Variants in SLC22A23 observed in about 807,000 individuals in gnomAD.
The protein encoded by SLC22A23 is solute carrier family 22 member 23.
A neutral mutation model predicts 61.0 loss-of-function variants in SLC22A23; 26 were observed. That is an observed-to-expected ratio of 0.43 (90% confidence interval 0.31 to 0.59). The LOEUF is 0.59. Among genes scored for constraint, SLC22A23 ranks in the 20% least tolerant of loss-of-function variants. The pLI is 0.11. For missense variants in SLC22A23, 796 were observed against 934.7 expected, an observed-to-expected ratio of 0.85 and a Z score of 1.94; for synonymous variants, 430 against 413.9, an observed-to-expected ratio of 1.04 and a Z score of -0.47.
chr6:3,312,259 G>A (rs149924820), intron 4 of SLC22A23: 12 of 152,288 alleles, frequency 7.9e-5, no homozygotes, highest in African/African-American at 2.9e-4. Context: ...AACCTTCCAT[G>A]TGGCTGGGTT....
chr6:3,278,051 T>C (rs1302204336), intron 9 of SLC22A23, among the ~76,000 whole-genome samples: 1 of 152,176 alleles, frequency 6.6e-6, no homozygotes, highest in African/African-American at 2.4e-5. Flanking sequence ...CCCTACCCAC[T>C]GATGGTAGCC....
rs1234954013 is a variant in SLC22A23, at chr6:3,318,161, G to A, written c.1082+5673C>T. Among the ~76,000 whole-genome samples, 8 of 152,118 alleles carry A rather than the reference G, an allele frequency of 5.3e-5. No homozygotes were observed. The East Asian group carries it at 9.6e-4, about 18-fold the overall frequency. On this transcript the variant is annotated intron_variant, in intron 4 of 9. Coordinates refer to ENST00000406686, the MANE Select transcript of SLC22A23 (RefSeq NM_015482.2). This position sits in a 1 kb window ranked among gnomAD's most constrained non-coding sequence, Gnocchi z 4.3. ...TCATTCCAGAACTCTGCAACCCTGC[G>A]GCTGCTGCCTATTAACCAAGCCTTT...
At chr6:3,382,374 C>G (rs1229092300) in intron 3 of SLC22A23, among the ~76,000 whole-genome samples, 1 of 152,214 alleles carries the variant, frequency 6.6e-6, no homozygotes, top group Non-Finnish European at 1.5e-5. Context: ...ACATACTGAC[C>G]CTTAAGATGC....
At chr6:3,354,156 T>A (rs576473705) in intron 3 of SLC22A23, among the ~76,000 whole-genome samples, 7 of 152,204 alleles carry the variant, frequency 4.6e-5, no homozygotes, top group Non-Finnish European at 8.8e-5. Context: ...AAGAGCCACA[T>A]GCAACTTCTA....
intron 1 of SLC22A23, among the ~76,000 whole-genome samples, chr6:3,417,030 T>C (rs1177145750): frequency 1.3e-5 from 2 of 152,130 alleles, no homozygotes; most frequent in Non-Finnish European, 2.9e-5. Flanking sequence ...TAGAGGGCAC[T>C]GTAAGCTCAG....
chr6:3,315,004 T>C (rs1270142274), intron 4 of SLC22A23, among the ~76,000 whole-genome samples: 1 of 152,258 alleles, frequency 6.6e-6, no homozygotes, highest in Admixed American at 6.5e-5. Context: ...ATGATCATGC[T>C]GATTGCCAGC....
At chr6:3,373,405 C>G (rs1414442508) in intron 3 of SLC22A23, among the ~76,000 whole-genome samples, 1 of 152,186 alleles carries the variant, frequency 6.6e-6, no homozygotes, top group South Asian at 2.1e-4. Context: ...TAAATCATAG[C>G]CACATGTACA....
At chr6:3,359,574 C>T (rs535263895) in intron 3 of SLC22A23, among the ~76,000 whole-genome samples, 18 of 152,282 alleles carry the variant, frequency 1.2e-4, no homozygotes, top group Non-Finnish European at 8.8e-5. Context: ...AAACTGGAAC[C>T]CTGGTGCACC....
intron 4 of SLC22A23, among the ~76,000 whole-genome samples, chr6:3,298,616 C>T (rs1158204695): frequency 3.3e-5 from 5 of 152,114 alleles, no homozygotes; most frequent in East Asian, 1.9e-4. Flanking sequence ...TAATGTTCTA[C>T]GCCACTGTAG....
At chr6:3,288,922 A>G (rs1760305250) in intron 6 of SLC22A23, among the ~76,000 whole-genome samples, 2 of 152,166 alleles carry the variant, frequency 1.3e-5, no homozygotes, top group African/African-American at 4.8e-5. Context: ...GAACCCCAAT[A>G]TGGAGAACTG....
Position 3,270,993 on chromosome 6 carries a change from G to C in SLC22A23, c.*2062C>G, listed in dbSNP as rs903021109. 1 of 152,614 alleles carries C rather than the reference G, an allele frequency of 6.6e-6. No individual in the cohort carries two copies. The highest frequency in any genetic ancestry group is 2.4e-5 in the African/African-American group (1 of 41,464). The allele number at this position is 152,614 out of a possible 1,614,324, so 9.5% of individuals were successfully genotyped here. ...CACCTGTCCAGGTGCAGGCTCAGGG[G>C]CCTCGCTGGATCCTTCCCACCTTCC... On this transcript the variant is annotated 3_prime_UTR_variant, in exon 10 of 10. Transcript: ENST00000406686.
chr6:3,404,958 A>G (rs1191726639), intron 3 of SLC22A23, among the ~76,000 whole-genome samples: 1 of 90,476 alleles, frequency 1.1e-5, no homozygotes, highest in East Asian at 3.2e-4. Flanking sequence ...TTTGAAGCTT[A>G]AAAAAAAAAA....
intron 3 of SLC22A23, among the ~76,000 whole-genome samples, chr6:3,349,991 G>A (rs1160505839): frequency 6.6e-6 from 1 of 152,180 alleles, no homozygotes; most frequent in Non-Finnish European, 1.5e-5. Flanking sequence ...CAGTCCCTTG[G>A]TTCTTGGTCT....
intron 4 of SLC22A23, among the ~76,000 whole-genome samples, chr6:3,320,866 T>G (rs1028141130): frequency 2.0e-5 from 3 of 152,204 alleles, no homozygotes; most frequent in Admixed American, 1.3e-4. Context: ...TCATGAGTAC[T>G]TATAGAGCAG....
rs1307424707 is a variant in SLC22A23 at position 3,322,395 on chromosome 6, C to T, written c.1082+1439G>A. Among the ~76,000 whole-genome samples the T allele has an allele frequency of 6.6e-6, 1 of 152,218 alleles. No individual in the cohort carries two copies. Among genetic ancestry groups the T allele is most frequent in the Non-Finnish European group, 1.5e-5 (1 of 68,028 alleles). On this transcript the variant is annotated intron_variant, in intron 4 of 9. Coordinates refer to ENST00000406686, the MANE Select transcript of SLC22A23 (RefSeq NM_015482.2). This position sits in a 1 kb window ranked among gnomAD's most constrained non-coding sequence, Gnocchi z 4.1. ...GAAGGAAGAGAGCTGCCCACTCCAT[C>T]CTTCTCCAGGGAAACTATTGCTCAT... is the stretch of plus-strand genomic sequence containing the variant.
In SLC22A23 at chr6:3,292,224, C is replaced by T. The variant is rs141898160; in HGVS notation, c.1211-2358G>A. ...TCTGTTCTTCTGGGCCTCAAATCCT[C>T]GAGTGCTTCTGGAGGCCGTGCCGAG... is the stretch of plus-strand genomic sequence containing the variant. On this transcript the variant is annotated intron_variant, in intron 5 of 9. Coordinates refer to ENST00000406686, the MANE Select transcript of SLC22A23 (RefSeq NM_015482.2). Among the ~76,000 whole-genome samples the T allele has an allele frequency of 2.2e-4, 33 of 152,352 alleles. No homozygotes were observed. The East Asian group carries it at 5.8e-3, about 27-fold the overall frequency.
At chr6:3,278,440 C>G (rs2127294545) in intron 9 of SLC22A23, among the ~76,000 whole-genome samples, 1 of 152,278 alleles carries the variant, frequency 6.6e-6, no homozygotes, top group South Asian at 2.1e-4. Flanking sequence ...GCTGAGGGTC[C>G]CAGACCACCG....
At chr6:3,448,006 G>T (rs971586849) in intron 1 of SLC22A23, among the ~76,000 whole-genome samples, 4 of 147,488 alleles carry the variant, frequency 2.7e-5, no homozygotes, top group African/African-American at 1.0e-4. Flanking sequence ...GGGTTCAAGC[G>T]ATTCTCCTGC....
chr6:3,413,701 T>C (rs947532683), intron 2 of SLC22A23, among the ~76,000 whole-genome samples: 4 of 152,238 alleles, frequency 2.6e-5, no homozygotes, highest in African/African-American at 9.6e-5. Context: ...TATGACTTGA[T>C]CCACTTCCCC....
Sources: allele counts gnomAD v4.1 joint callset (sites outside exome capture counted in the v4.1 genomes callset), GRCh38; gene constraint gnomAD v4.1.1; non-coding constraint Gnocchi (gnomAD v3.1); transcripts MANE v1.5; gene names NCBI Gene and HGNC (gene_info 2026-07-23, HGNC 2026-07-21).